Variants in HHAT observed in about 807,000 individuals in gnomAD.
HHAT encodes the protein hedgehog acyltransferase, also known as protein-cysteine N-palmitoyltransferase HHAT.
Under a neutral mutation model 70.8 loss-of-function variants are expected in HHAT, and 47 were observed. That is an observed-to-expected ratio of 0.66 (90% CI 0.53 to 0.85). HHAT has a LOEUF of 0.85. Ranked by LOEUF, HHAT falls within the 40% of genes least tolerant of loss-of-function variation. HHAT has a pLI of 0.00. For synonymous variants in HHAT, 228 were observed against 247.6 expected (o/e 0.92, Z 0.74); for missense variants, 609 against 604.8 (o/e 1.01, Z -0.07).
At chr1:210,626,515 G>T (rs918286463) in intron 11 of HHAT, among the ~76,000 whole-genome samples, 1 of 152,170 alleles carries the variant, frequency 6.6e-6, no homozygotes, top group Non-Finnish European at 1.5e-5. Context: ...CATCTCTGCT[G>T]GTCTGTCCCA....
intron 8 of HHAT, among the ~76,000 whole-genome samples, chr1:210,480,368 G>A (rs2094375345): frequency 6.6e-6 from 1 of 152,112 alleles, no homozygotes; most frequent in African/African-American, 2.4e-5. Flanking sequence ...ATCAGACCTC[G>A]GCGATGACAT....
intron 2 of HHAT, among the ~76,000 whole-genome samples, chr1:210,357,861 C>T (rs913680610): frequency 2.6e-5 from 4 of 152,196 alleles, no homozygotes; most frequent in African/African-American, 7.2e-5. Flanking sequence ...TCTTAGTCTT[C>T]ATTTCCTTAC....
rs77717776 is a variant in HHAT at position 210,425,794 on chromosome 1, T to C, written c.856+7469T>C. Among the ~76,000 whole-genome samples, 26 of 152,314 alleles carry C rather than the reference T, an allele frequency of 1.7e-4. No individual in the cohort carries two copies. In the East Asian group the frequency reaches 5.0e-3, roughly 29 times the overall value. On this transcript the variant is annotated intron_variant, in intron 7 of 11. Transcript: ENST00000261458. ...TAGCATGATGCCTCCAGCTTTGTTC[T>C]TTTTGCTTAGGATTGCCTTGGATAT...
chr1:210,415,072 A>G (rs112763992), intron 6 of HHAT, among the ~76,000 whole-genome samples: 2,246 of 152,300 alleles, frequency 0.015, 51 homozygotes, highest in African/African-American at 0.052. Context: ...CCATCCAAAG[A>G]TGACCACTTT....
intron 8 of HHAT, among the ~76,000 whole-genome samples, chr1:210,469,614 T>C (rs2094164864): frequency 6.6e-6 from 1 of 152,212 alleles, no homozygotes; most frequent in Non-Finnish European, 1.5e-5. Context: ...TACATAATTA[T>C]ATAAATAATG....
At chr1:210,378,199 C>T (rs12060228) in intron 3 of HHAT, among the ~76,000 whole-genome samples, 3,602 of 152,150 alleles carry the variant, frequency 0.024, 155 homozygotes, top group African/African-American at 0.082. Flanking sequence ...TGGAGATTTA[C>T]GGGCCATTAA....
chr1:210,376,869 T>C (rs762719279), intron 3 of HHAT, among the ~76,000 whole-genome samples: 1 of 152,244 alleles, frequency 6.6e-6, no homozygotes, highest in African/African-American at 2.4e-5. Context: ...CTTCTTCCCC[T>C]AGATAGATGG....
At chr1:210,448,226 C>T (rs2003698) in intron 7 of HHAT, among the ~76,000 whole-genome samples, 35,371 of 151,700 alleles carry the variant, frequency 0.23, 4,451 homozygotes, top group Admixed American at 0.36. Flanking sequence ...GGACTGCAGG[C>T]GCCTGCCACC....
At chr1:210,653,740 AAG>A (rs1475494340) in intron 11 of HHAT, among the ~76,000 whole-genome samples, 1 of 152,124 alleles carries the variant, frequency 6.6e-6, no homozygotes, top group Admixed American at 6.5e-5. Context: ...TCTGGTCAAA[AAG>A]AGATTAAATT....
Position 210,633,803 on chromosome 1 carries a change from C to T in HHAT, c.1390+10133C>T, listed in dbSNP as rs184389428. Among the ~76,000 whole-genome samples the T allele has an allele frequency of 3.2e-3, 493 of 152,236 alleles. 3 individuals are homozygous for T. The highest frequency in any genetic ancestry group is 5.4e-3 in the Non-Finnish European group (365 of 68,014). ...ACCCTGCATCCCACCAACCCAGGGCCGAAGCCTTTGTCCCCTGGGCGCTTG... is the reference window on the plus strand; with the variant it reads ...ACCCTGCATCCCACCAACCCAGGGCTGAAGCCTTTGTCCCCTGGGCGCTTG... On this transcript the variant is annotated intron_variant, in intron 11 of 11. Coordinates refer to ENST00000261458, the MANE Select transcript of HHAT (RefSeq NM_018194.6).
chr1:210,334,452 A>G (rs2085300942), intron 1 of HHAT, among the ~76,000 whole-genome samples: 1 of 151,800 alleles, frequency 6.6e-6, no homozygotes, highest in African/African-American at 2.4e-5. Context: ...CACCACACCC[A>G]GCCTGTTAGT....
chr1:210,448,976 C>T (rs1408493364), intron 7 of HHAT, among the ~76,000 whole-genome samples: 2 of 152,152 alleles, frequency 1.3e-5, no homozygotes, highest in African/African-American at 2.4e-5. Flanking sequence ...TATCACTGTC[C>T]CCACTGAACA....
At chr1:210,447,368 G>A (rs1269217123) in intron 7 of HHAT, among the ~76,000 whole-genome samples, 1 of 152,174 alleles carries the variant, frequency 6.6e-6, no homozygotes, top group Non-Finnish European at 1.5e-5. Flanking sequence ...TGGAAAAAGG[G>A]AAAATACAGC....
intron 8 of HHAT, among the ~76,000 whole-genome samples, chr1:210,489,594 T>G (rs755354791): frequency 6.6e-6 from 1 of 152,206 alleles, no homozygotes; most frequent in Non-Finnish European, 1.5e-5. Context: ...AGGGCCTCTT[T>G]TGGTCATGTT....
intron 8 of HHAT, among the ~76,000 whole-genome samples, chr1:210,510,098 T>C (rs1395334999): frequency 1.3e-5 from 2 of 152,246 alleles, no homozygotes; most frequent in Non-Finnish European, 2.9e-5. Context: ...GAGATTGTTA[T>C]ATTTTATAAT....
intron 6 of HHAT, among the ~76,000 whole-genome samples, chr1:210,414,922 G>T (rs959838240): frequency 6.6e-6 from 1 of 152,086 alleles, no homozygotes; most frequent in African/African-American, 2.4e-5. Flanking sequence ...GGAGGCTAAG[G>T]CACAGAAATA....
At chr1:210,647,746 C>T (rs555299660) in intron 11 of HHAT, among the ~76,000 whole-genome samples, 1 of 152,326 alleles carries the variant, frequency 6.6e-6, no homozygotes, top group Non-Finnish European at 1.5e-5. Flanking sequence ...TCTTAAATTT[C>T]CAGATTCAGA....
chr1:210,405,113 A>G (rs2092274695), intron 6 of HHAT, among the ~76,000 whole-genome samples: 1 of 152,232 alleles, frequency 6.6e-6, no homozygotes, highest in East Asian at 1.9e-4. Context: ...TGCTTAAGAA[A>G]TAGTCCTGCC....
At chr1:210,389,795 A>G (rs1216633140) in intron 4 of HHAT, among the ~76,000 whole-genome samples, 1 of 152,200 alleles carries the variant, frequency 6.6e-6, no homozygotes, top group Non-Finnish European at 1.5e-5. Flanking sequence ...AATACAACTG[A>G]TGAATGAATT....
Sources: allele counts gnomAD v4.1 joint callset (sites outside exome capture counted in the v4.1 genomes callset), GRCh38; gene constraint gnomAD v4.1.1; transcripts MANE v1.5; gene names NCBI Gene and HGNC (gene_info 2026-07-23, HGNC 2026-07-21).